The following SPIDR variants were observed in gnomAD, a reference collection of about 807,000 sequenced individuals.
SPIDR encodes scaffold protein involved in DNA repair.
A neutral mutation model predicts 104.6 loss-of-function variants in SPIDR; 93 were observed. The ratio of observed to expected loss-of-function variants is 0.89; its 90% confidence interval spans 0.75 to 1.06. SPIDR has a LOEUF of 1.06. SPIDR is among the 50% of genes least tolerant of loss of function. The pLI is 0.00. For synonymous variants in SPIDR, 431 were observed against 416.9 expected, an observed-to-expected ratio of 1.03 and a Z score of -0.41; for missense variants, 1,154 against 1,111.2, an observed-to-expected ratio of 1.04 and a Z score of -0.55.
chr8:47,354,349 T>G (rs2054123258), intron 5 of SPIDR, among the ~76,000 whole-genome samples: 1 of 151,988 alleles, frequency 6.6e-6, no homozygotes, highest in Non-Finnish European at 1.5e-5. Flanking sequence ...TCTTTTTTTT[T>G]TTTCAGCCAC....
intron 5 of SPIDR, among the ~76,000 whole-genome samples, chr8:47,322,787 A>G (rs1554597184): frequency 6.6e-6 from 1 of 152,194 alleles, no homozygotes. Context: ...TGTCCTTTGT[A>G]GGGACATGGA....
chr8:47,487,840 G>A (rs1390414543), intron 8 of SPIDR, among the ~76,000 whole-genome samples: 1 of 151,924 alleles, frequency 6.6e-6, no homozygotes, highest in South Asian at 2.1e-4. Context: ...AGAATCTCTG[G>A]GACACATTCA....
At chr8:47,512,233 G>T in intron 8 of SPIDR, 1 of 318,036 alleles carries the variant, frequency 3.1e-6, no homozygotes, top group Non-Finnish European at 6.0e-6. Flanking sequence ...TCCTGAGAGG[G>T]AGCTTAGCGA....
At chr8:47,681,040 A>G (rs1433736774) in intron 11 of SPIDR, among the ~76,000 whole-genome samples, 1 of 152,210 alleles carries the variant, frequency 6.6e-6, no homozygotes, top group Non-Finnish European at 1.5e-5. Flanking sequence ...TCCAGCCTGG[A>G]CGAAAGAGCA....
intron 5 of SPIDR, among the ~76,000 whole-genome samples, chr8:47,325,148 T>C (rs1178512618): frequency 6.6e-6 from 1 of 152,184 alleles, no homozygotes; most frequent in African/African-American, 2.4e-5. Flanking sequence ...AATAGTGCTA[T>C]AAAGAGAAGT....
intron 6 of SPIDR, among the ~76,000 whole-genome samples, chr8:47,400,002 G>A (rs1414535000): frequency 6.6e-6 from 1 of 152,168 alleles, no homozygotes; most frequent in Non-Finnish European, 1.5e-5. Context: ...TTGGAGCTGG[G>A]CGGGCACTGA....
At chr8:47,395,717 A>T (rs2061176105) in intron 5 of SPIDR, among the ~76,000 whole-genome samples, 2 of 152,108 alleles carry the variant, frequency 1.3e-5, no homozygotes, top group Admixed American at 6.5e-5. Flanking sequence ...TTTTATAATT[A>T]TACAGTTTTC....
At chr8:47,449,157 G>T (rs2071235110) in intron 8 of SPIDR, among the ~76,000 whole-genome samples, 1 of 152,124 alleles carries the variant, frequency 6.6e-6, no homozygotes, top group African/African-American at 2.4e-5. Context: ...GGAGTTAGAG[G>T]CAACAGGGTT....
chr8:47,619,887 G>A (rs1466646482), intron 10 of SPIDR, among the ~76,000 whole-genome samples: 1 of 152,032 alleles, frequency 6.6e-6, no homozygotes, highest in Non-Finnish European at 1.5e-5. Flanking sequence ...TTCCCCCACC[G>A]TGCTGCCTTT....
chr8:47,613,731 G>A (rs915237981), intron 10 of SPIDR, among the ~76,000 whole-genome samples: 1 of 152,106 alleles, frequency 6.6e-6, no homozygotes, highest in Admixed American at 6.5e-5. Flanking sequence ...TCTCTCTAAT[G>A]ACTGATGATG....
At chr8:47,553,234 T>C (rs1318220043) in intron 8 of SPIDR, among the ~76,000 whole-genome samples, 1 of 152,182 alleles carries the variant, frequency 6.6e-6, no homozygotes, top group African/African-American at 2.4e-5. Flanking sequence ...CTGACAATTA[T>C]GTGTCTTGGG....
intron 8 of SPIDR, among the ~76,000 whole-genome samples, chr8:47,525,773 CAAA>C (rs748970837): frequency 9.2e-5 from 10 of 108,986 alleles, no homozygotes; most frequent in East Asian, 2.6e-4. Flanking sequence ...GACCCTGCCT[CAAA>C]AAAAAAAAAA....
chr8:47,487,544 G>C (rs1165241360), intron 8 of SPIDR, among the ~76,000 whole-genome samples: 1 of 152,134 alleles, frequency 6.6e-6, no homozygotes, highest in African/African-American at 2.4e-5. Flanking sequence ...AAAATCAACA[G>C]AATATACATT....
intron 10 of SPIDR, among the ~76,000 whole-genome samples, chr8:47,609,312 T>C (rs1364771478): frequency 6.6e-6 from 1 of 152,214 alleles, no homozygotes; most frequent in African/African-American, 2.4e-5. Flanking sequence ...TAAGAAACCA[T>C]TGGTGAATCC....
intron 5 of SPIDR, among the ~76,000 whole-genome samples, chr8:47,307,033 A>G (rs1000913446): frequency 8.6e-5 from 13 of 152,040 alleles, no homozygotes; most frequent in African/African-American, 2.7e-4. Flanking sequence ...CATTCTGTCA[A>G]TCTCTGTCTT....
chr8:47,622,549 A>C (rs552437545), intron 10 of SPIDR, among the ~76,000 whole-genome samples: 1 of 152,154 alleles, frequency 6.6e-6, no homozygotes, highest in African/African-American at 2.4e-5. Context: ...TAGGGGGTGC[A>C]CAGAAGGTGG....
At chr8:47,357,983 CCT>C (rs1418212199) in intron 5 of SPIDR, 1 of 391,306 alleles carries the variant, frequency 2.6e-6, no homozygotes. Context: ...GGCAGTCTTT[CCT>C]CTCCAACCTG....
intron 7 of SPIDR, among the ~76,000 whole-genome samples, chr8:47,425,863 T>C (rs2154337112): frequency 6.6e-6 from 1 of 152,248 alleles, no homozygotes; most frequent in African/African-American, 2.4e-5. Flanking sequence ...TATCATTTTG[T>C]ATTGAAATAT....
chr8:47,510,653 G>A (rs533639974), intron 8 of SPIDR, among the ~76,000 whole-genome samples: 1 of 152,074 alleles, frequency 6.6e-6, no homozygotes, highest in African/African-American at 2.4e-5. Flanking sequence ...AAATATACTT[G>A]TTGAATTGTT....
Sources: allele counts gnomAD v4.1 joint callset (sites outside exome capture counted in the v4.1 genomes callset), GRCh38; gene constraint gnomAD v4.1.1; transcripts MANE v1.5; gene names NCBI Gene and HGNC (gene_info 2026-07-23, HGNC 2026-07-21).